GEN1: variants seen among roughly 807,000 people sequenced by gnomAD.
The protein encoded by GEN1 is flap endonuclease GEN homolog 1.
A neutral mutation model predicts 67.6 loss-of-function variants in GEN1; 64 were observed. The observed-to-expected ratio is 0.95, with a 90% CI of 0.77 to 1.17. The LOEUF is 1.17. Among genes scored for constraint, GEN1 ranks in the 50% most tolerant of loss-of-function variants. The pLI is 0.00. For synonymous variants in GEN1, 371 were observed against 359.4 expected, an observed-to-expected ratio of 1.03 and a Z score of -0.37; for missense variants, 1,058 against 1,048.3, an observed-to-expected ratio of 1.01 and a Z score of -0.13.
At chr2:17,780,367 T>C (rs936037629) in intron 13 of GEN1, among the ~76,000 whole-genome samples, 1 of 152,252 alleles carries the variant, frequency 6.6e-6, no homozygotes, top group Non-Finnish European at 1.5e-5. Context: ...TGACTAGTTG[T>C]TCAGCAGCTA....
chr2:17,781,924 A>T lies in GEN1; in HGVS notation c.2712A>T (p.Arg904Ser), dbSNP rs772779339. 4 of 1,546,034 alleles carry T rather than the reference A, an allele frequency of 2.6e-6. No homozygotes were observed. Among genetic ancestry groups the T allele is most frequent in the Non-Finnish European group, 3.5e-6 (4 of 1,149,370 alleles). Residue 904 changes from arginine to serine, a missense_variant, in exon 14 of 14, where the codon AGA becomes AGT. Transcript: ENST00000381254. ...PLPLRQRLKL[R>S]FQST ...CTTTACGCCAGAGATTAAAACTAAG[A>T]TTCCAAAGCACTTGAAATTTAAAAC...
intron 12 of GEN1, among the ~76,000 whole-genome samples, chr2:17,779,180 C>A (rs1380552926): frequency 4.6e-5 from 7 of 152,202 alleles, no homozygotes; most frequent in African/African-American, 1.4e-4. Flanking sequence ...ACTTCGGCCT[C>A]CCAAAGTGCT....
chr2:17,780,986 G>C lies in GEN1; in HGVS notation c.1774G>C (p.Gly592Arg). ...ACACTTGAGCACTATTGACTGGGAA[G>C]GTACTTCTTTTAGTAATTCTCCAGC... is the stretch of plus-strand genomic sequence containing the variant. ...DLHLSTIDWE[G>R]TSFSNSPAIQ... Residue 592 changes from glycine to arginine, a missense_variant, in exon 14 of 14, where the codon GGT (glycine) becomes CGT (arginine). By Grantham distance (125) the Gly-to-Arg change is moderately radical. Transcript: ENST00000381254. 6.2e-7 allele frequency: 1 copy of C among 1,613,386 alleles called. No homozygotes were observed. Among genetic ancestry groups the C allele is most frequent in the Non-Finnish European group, 8.5e-7 (1 of 1,179,454 alleles).
At chr2:17,756,115 G>A (rs1204246839) in intron 1 of GEN1, among the ~76,000 whole-genome samples, 1 of 151,808 alleles carries the variant, frequency 6.6e-6, no homozygotes, top group East Asian at 1.9e-4. Flanking sequence ...ATCTTGTAAT[G>A]CATCTGGTTT....
At chr2:17,755,350 T>G (rs1416639117) in intron 1 of GEN1, 1 of 152,176 alleles carries the variant, frequency 6.6e-6, no homozygotes, top group Admixed American at 6.5e-5. Flanking sequence ...TTATCTGCAG[T>G]CTCACTTACC....
At chr2:17,767,710 G>A (rs1193413428) in intron 5 of GEN1, among the ~76,000 whole-genome samples, 2 of 152,108 alleles carry the variant, frequency 1.3e-5, no homozygotes, top group Non-Finnish European at 2.9e-5. Flanking sequence ...ACCAACTTTA[G>A]CTACAGTGGT....
intron 5 of GEN1, among the ~76,000 whole-genome samples, chr2:17,767,784 A>T (rs896368236): frequency 6.6e-6 from 1 of 152,224 alleles, no homozygotes; most frequent in Non-Finnish European, 1.5e-5. Context: ...CAAAACTGCT[A>T]TGTATTTACA....
chr2:17,781,606 C>T lies in GEN1; in HGVS notation c.2394C>T (p.Asp798=). The change falls in exon 14 of 14, where the codon GAC becomes GAT. Residue 798 remains aspartate (D), a synonymous_variant. Transcript: ENST00000381254. ...TAATGAAGAAGAGTGTTTGCCTTGA[C>T]AGACATTCCTCTGATGAACAAAGTG... ...KILMKKSVCL[D]RHSSDEQSAP... is the part of the protein sequence containing the mutation. 1 of 1,613,978 alleles carries T rather than the reference C, an allele frequency of 6.2e-7. No homozygotes were observed. Among genetic ancestry groups the T allele is most frequent in the Non-Finnish European group, 8.5e-7 (1 of 1,179,954 alleles).
At chr2:17,778,151 TATACAC>T (rs1672533777) in intron 12 of GEN1, 88 bp downstream of exon 12, 4 of 504,618 alleles carry the variant, frequency 7.9e-6, no homozygotes, top group African/African-American at 2.5e-5. Flanking sequence ...TATATATATA[TATACAC>T]ACACACATAG....
At chr2:17,778,291 TGTGTGTGTAC>T (rs1672596986) in intron 12 of GEN1, among the ~76,000 whole-genome samples, 2 of 113,052 alleles carry the variant, frequency 1.8e-5, no homozygotes, top group African/African-American at 7.5e-5. Flanking sequence ...TACACACACA[TGTGTGTGTAC>T]ATATATGTAT....
intron 6 of GEN1, among the ~76,000 whole-genome samples, chr2:17,769,912 A>G (rs977053594): frequency 2.6e-5 from 4 of 152,316 alleles, no homozygotes; most frequent in African/African-American, 9.6e-5. Flanking sequence ...AAGTGCCTGA[A>G]AAAAATGTTA....
In GEN1 at chr2:17,766,624, C is replaced by T. The variant is rs548237955; in HGVS notation, c.571C>T (p.Leu191=). ...CACAATGTCATCTATCAAGAGTAAA[C>T]TAGGTTTGGATAGAGATGCTCTGGT... ...CYTMSSIKSK[L]GLDRDALVGL... The change falls in exon 5 of 14, where the codon CTA becomes TTA. Residue 191 remains leucine (L), a synonymous_variant. Transcript: ENST00000381254. 178 of 1,609,466 alleles carry T rather than the reference C, an allele frequency of 1.1e-4. No homozygotes were observed. The highest frequency in any genetic ancestry group is 4.1e-4 in the South Asian group (37 of 90,748).
intron 4 of GEN1, 39 bp downstream of exon 4, chr2:17,765,112 AACT>A: frequency 1.9e-6 from 3 of 1,591,022 alleles, no homozygotes; most frequent in Non-Finnish European, 2.6e-6. Context: ...TTTGTTTACG[AACT>A]ACCTTTTTTA....
intron 11 of GEN1, 132 bp downstream of exon 11, chr2:17,774,533 C>T: frequency 1.7e-6 from 1 of 583,688 alleles, no homozygotes; most frequent in Non-Finnish European, 2.9e-6. Context: ...AAAGCTTATT[C>T]AGGGCTTATA....
At position 17,774,358 on chromosome 2, in the gene GEN1, A is replaced by C. The variant is rs765585052; in HGVS notation, c.1159A>C (p.Arg387=). 1.9e-6 allele frequency: 3 copies of C among 1,606,776 alleles called. No individual in the cohort carries two copies. The highest frequency in any genetic ancestry group is 1.7e-6 in the Non-Finnish European group (2 of 1,175,360). ...VLLTHYDMIE[R]KLGSRNSNQL... is the part of the protein sequence containing the mutation. ...TTTGACCCATTATGACATGATAGAA[A>C]GAAAGCTTGGTAGCAGAAACTCTAA... The change falls in exon 11 of 14, where the codon AGA becomes CGA. Residue 387 remains arginine (R), a synonymous_variant. Coordinates refer to ENST00000381254, the MANE Select transcript of GEN1 (RefSeq NM_001130009.3).
chr2:17,772,841 G>A (rs934492496), intron 8 of GEN1, 57 bp downstream of exon 8: 1 of 1,388,932 alleles, frequency 7.2e-7, no homozygotes, highest in Non-Finnish European at 9.8e-7. Flanking sequence ...ACATACCTTT[G>A]GTTGAATTAT....
chr2:17,766,518 T>C, intron 4 of GEN1, 61 bp from the exon 5 acceptor site: 1 of 832,698 alleles, frequency 1.2e-6, no homozygotes, highest in South Asian at 1.6e-5. Flanking sequence ...ATTTTTGTAA[T>C]GTGGTTTAAT....
chr2:17,757,222 T>A (rs1158682399), intron 1 of GEN1, among the ~76,000 whole-genome samples: 1 of 151,236 alleles, frequency 6.6e-6, no homozygotes, highest in African/African-American at 2.4e-5. Flanking sequence ...CTTAGGGGTT[T>A]CCAATAATCG....
At position 17,782,033 on chromosome 2, in the gene GEN1, T is replaced by G. The variant is rs531989905; in HGVS notation, c.*94T>G. Reference sequence around the variant, plus strand: ...TATCTAGTTCATGTGTGGTAAAAATTTTAATGTTCTCTGTGTCATGAAACA... The same window carrying G: ...TATCTAGTTCATGTGTGGTAAAAATGTTAATGTTCTCTGTGTCATGAAACA... On this transcript the variant is annotated 3_prime_UTR_variant, in exon 14 of 14. Transcript: ENST00000381254. 13 of 689,846 alleles carry G rather than the reference T, an allele frequency of 1.9e-5. No individual in the cohort carries two copies. Among genetic ancestry groups the G allele is most frequent in the African/African-American group, 3.6e-5 (2 of 54,844 alleles). The allele number at this position is 689,846 out of a possible 1,614,324, so 42.7% of individuals were successfully genotyped here. A position where few individuals can be genotyped will look rare whatever the true frequency, so the allele number is the denominator to read the frequency against.
Sources: gnomAD v4.1 joint callset for allele counts (sites outside exome capture counted in the v4.1 genomes callset) on GRCh38, gnomAD v4.1.1 for gene constraint, MANE v1.5 for transcripts, NCBI Gene and HGNC (gene_info 2026-07-23, HGNC 2026-07-21) for gene names.